Variants in NDST3 observed in about 807,000 individuals in gnomAD.
NDST3 encodes N-deacetylase and N-sulfotransferase 3.
A neutral mutation model predicts 96.1 loss-of-function variants in NDST3; 58 were observed. The ratio of observed to expected loss-of-function variants is 0.60; its 90% confidence interval spans 0.49 to 0.75. NDST3 has a LOEUF of 0.75. Ranked by LOEUF, NDST3 falls within the 30% of genes least tolerant of loss-of-function variation. The probability of loss-of-function intolerance (pLI) is 0.00; values close to 1 mark genes in which losing one functional copy is unlikely to be tolerated. For missense variants in NDST3, 788 were observed against 1,034.2 expected (o/e 0.76, Z 3.27); for synonymous variants, 333 against 359.7 (o/e 0.93, Z 0.84).
At chr4:118,154,227 T>C (rs1734591485) in intron 6 of NDST3, among the ~76,000 whole-genome samples, 1 of 152,208 alleles carries the variant, frequency 6.6e-6, no homozygotes, top group Non-Finnish European at 1.5e-5. Context: ...TTGTTCTGTA[T>C]CTGTAAGTCA....
intron 13 of NDST3, among the ~76,000 whole-genome samples, chr4:118,255,249 C>T (rs368419138): frequency 3.9e-5 from 6 of 152,080 alleles, no homozygotes; most frequent in African/African-American, 1.4e-4. Context: ...CTGAGTAATC[C>T]ATATTGGGTT....
Position 118,054,111 on chromosome 4 carries a change from AATGAAGCTT to A in NDST3, c.202_210del (p.Met68_Leu70del). On this transcript the variant is annotated inframe_deletion, in exon 2 of 14. Transcript: ENST00000296499. Reference sequence around the variant, plus strand: ...CATATCAACTAATGGAAGTGAAAGCAATGAAGCTTTTTGATGCCTCAAGGACAGACCCCA... The same window carrying A: ...CATATCAACTAATGGAAGTGAAAGCATTTGATGCCTCAAGGACAGACCCCA... 1 of 1,613,018 alleles carries A rather than the reference AATGAAGCTT, an allele frequency of 6.2e-7. No individual in the cohort carries two copies. Among genetic ancestry groups the A allele is most frequent in the Non-Finnish European group, 8.5e-7 (1 of 1,179,322 alleles).
In NDST3 at chr4:118,047,998, A is replaced by G. The variant is rs983858156; in HGVS notation, c.-155-5758A>G. Among the ~76,000 whole-genome samples the G allele has an allele frequency of 2.9e-4, 44 of 152,194 alleles. 1 individual carries two copies. Among genetic ancestry groups the G allele is most frequent in the African/African-American group, 1.1e-3 (44 of 41,456 alleles). ...AGAGAGAAGAAGGGTCAAGTCATGT[A>G]CAGAGGGAATCCCATTAAGCTAGCA... On this transcript the variant is annotated intron_variant, in intron 1 of 13. Transcript: ENST00000296499.
At chr4:118,170,684 G>T (rs545145989) in intron 6 of NDST3, among the ~76,000 whole-genome samples, 1 of 151,974 alleles carries the variant, frequency 6.6e-6, no homozygotes, top group Non-Finnish European at 1.5e-5. Flanking sequence ...AGCCGAGATC[G>T]CACCACTGCA....
intron 6 of NDST3, among the ~76,000 whole-genome samples, chr4:118,161,887 C>G (rs912249761): frequency 6.6e-6 from 1 of 152,132 alleles, no homozygotes; most frequent in African/African-American, 2.4e-5. Context: ...CACTGTCCTG[C>G]GCCCACTGTC....
chr4:118,128,125 T>C (rs905655290), intron 4 of NDST3, among the ~76,000 whole-genome samples: 2 of 152,080 alleles, frequency 1.3e-5, no homozygotes, highest in Non-Finnish European at 2.9e-5. Flanking sequence ...TTATATCATT[T>C]GGAAACAAGG....
At chr4:118,126,139 G>A (rs187609566) in intron 4 of NDST3, among the ~76,000 whole-genome samples, 182 of 152,000 alleles carry the variant, frequency 1.2e-3, no homozygotes, top group African/African-American at 4.1e-3. Flanking sequence ...GCTTGAAAAT[G>A]CTTCACAAAT....
intron 3 of NDST3, among the ~76,000 whole-genome samples, chr4:118,112,929 C>G (rs972056845): frequency 6.6e-6 from 1 of 152,162 alleles, no homozygotes; most frequent in Admixed American, 6.5e-5. Flanking sequence ...AGTTCTTGAA[C>G]ATAATGTCAC....
At chr4:118,114,167 C>A (rs888431567) in intron 3 of NDST3, among the ~76,000 whole-genome samples, 5 of 152,036 alleles carry the variant, frequency 3.3e-5, no homozygotes, top group Non-Finnish European at 7.3e-5. Flanking sequence ...CACAAGTGTA[C>A]CACCAAGGAG....
chr4:118,057,554 G>C (rs548585056), intron 2 of NDST3, among the ~76,000 whole-genome samples: 1 of 152,162 alleles, frequency 6.6e-6, no homozygotes, highest in African/African-American at 2.4e-5. Flanking sequence ...CCTTGAATAA[G>C]AGTTTGAAAG....
chr4:118,171,454 C>T (rs1411461037), intron 6 of NDST3, among the ~76,000 whole-genome samples: 1 of 152,162 alleles, frequency 6.6e-6, no homozygotes, highest in Non-Finnish European at 1.5e-5. Context: ...CATTTCCTAT[C>T]ATAACTCAGT....
chr4:118,217,019 G>A (rs1175793373), intron 6 of NDST3, among the ~76,000 whole-genome samples: 1 of 152,020 alleles, frequency 6.6e-6, no homozygotes, highest in East Asian at 1.9e-4. Flanking sequence ...AAACAAGCCA[G>A]GATAAGAAAA....
chr4:118,249,444 A>G (rs1016007403), intron 12 of NDST3, among the ~76,000 whole-genome samples: 12 of 152,200 alleles, frequency 7.9e-5, no homozygotes, highest in Admixed American at 5.9e-4. Context: ...TAAATAATAC[A>G]GTCTTTATTA....
intron 2 of NDST3, among the ~76,000 whole-genome samples, chr4:118,087,925 A>G (rs1213845416): frequency 2.0e-5 from 3 of 152,094 alleles, no homozygotes; most frequent in South Asian, 2.1e-4. Flanking sequence ...GTTAGATTCA[A>G]TTGGAGACTA....
intron 2 of NDST3, among the ~76,000 whole-genome samples, chr4:118,085,038 G>A (rs1247317215): frequency 6.6e-6 from 1 of 152,114 alleles, no homozygotes; most frequent in Non-Finnish European, 1.5e-5. Flanking sequence ...GCAGGGAATT[G>A]CTTGAACCCA....
At chr4:118,153,975 A>G (rs910758354) in intron 6 of NDST3, among the ~76,000 whole-genome samples, 1 of 152,182 alleles carries the variant, frequency 6.6e-6, no homozygotes, top group African/African-American at 2.4e-5. Flanking sequence ...AGATCACACA[A>G]TTGAAGATGA....
intron 6 of NDST3, among the ~76,000 whole-genome samples, chr4:118,155,917 G>T (rs578174731): frequency 3.3e-5 from 5 of 152,130 alleles, no homozygotes; most frequent in African/African-American, 4.8e-5. Context: ...TTAAGTTGGA[G>T]AAATGAATAT....
At chr4:118,212,360 G>A (rs11945537) in intron 6 of NDST3, among the ~76,000 whole-genome samples, 24,303 of 151,950 alleles carry the variant, frequency 0.16, 2,077 homozygotes, top group South Asian at 0.23. Context: ...GCAACATGGC[G>A]AAACCCCATT....
At chr4:118,163,452 G>A (rs1735332208) in intron 6 of NDST3, among the ~76,000 whole-genome samples, 1 of 151,956 alleles carries the variant, frequency 6.6e-6, no homozygotes, top group Non-Finnish European at 1.5e-5. Context: ...TCCTTTGTAG[G>A]GACATGGATG....
Sources: allele counts gnomAD v4.1 joint callset (sites outside exome capture counted in the v4.1 genomes callset), GRCh38; gene constraint gnomAD v4.1.1; transcripts MANE v1.5; gene names NCBI Gene and HGNC (gene_info 2026-07-23, HGNC 2026-07-21).